Variants in FCN2 observed in about 807,000 individuals in gnomAD.
FCN2 encodes the protein ficolin-2.
FCN2 carries 31 observed loss-of-function variants against 32.5 expected under a neutral mutation model. The observed-to-expected ratio is 0.96, with a 90% confidence interval of 0.72 to 1.29. The LOEUF (loss-of-function observed/expected upper bound fraction) is 1.29. Ranked by LOEUF, FCN2 falls within the 50% of genes most tolerant of loss-of-function variation. FCN2 has a pLI of 0.00. For synonymous variants in FCN2, 181 were observed against 164.5 expected, an observed-to-expected ratio of 1.10 and a Z score of -0.77; for missense variants, 412 against 406.5, an observed-to-expected ratio of 1.01 and a Z score of -0.12.
the FCN2 span, among the ~76,000 whole-genome samples, chr9:134,872,723 G>A: frequency 1.3e-5 from 2 of 152,062 alleles, no homozygotes; most frequent in African/African-American, 4.8e-5. Context: ...GAGAAGACCC[G>A]CCCTCGTGAT....
Position 134,884,785 on chromosome 9 carries a change from C to T in FCN2, c.301+13C>T, listed in dbSNP as rs372531107. The T allele has an allele frequency of 6.2e-7, 1 of 1,613,384 alleles. No homozygotes were observed. Among genetic ancestry groups the T allele is most frequent in the South Asian group, 1.1e-5 (1 of 90,996 alleles). On this transcript the variant is annotated intron_variant, in intron 4 of 7. Transcript: ENST00000291744. ...CCGTGCCTGACAGGTGACTGACCAC[C>T]CCCACACTCCTCCCACGGCTTGTGG...
At position 134,886,521 on chromosome 9, in the gene FCN2, G is replaced by T; in HGVS notation, c.651G>T (p.Glu217Asp). 1 of 1,614,194 alleles carries T rather than the reference G, an allele frequency of 6.2e-7. No individual in the cohort carries two copies. The highest frequency in any genetic ancestry group is 8.5e-7 in the Non-Finnish European group (1 of 1,180,030). The change falls in exon 7 of 8, where the codon GAG becomes GAT. Residue 217 changes from glutamate to aspartate, a missense_variant. Physicochemically the swap from Glu to Asp is conservative, Grantham distance 45. Transcript: ENST00000291744. Reference sequence around the variant, plus strand: ...CATTCAAGGTGGCCGACGAGGCGGAGAAGTACAATCTGGTCCTGGGGGCCT... The same window carrying T: ...CATTCAAGGTGGCCGACGAGGCGGATAAGTACAATCTGGTCCTGGGGGCCT... ...YRSFKVADEA[E>D]KYNLVLGAFV...
upstream of FCN2, among the ~76,000 whole-genome samples, chr9:134,879,946 A>T (rs1051106249): frequency 6.6e-6 from 1 of 152,072 alleles, no homozygotes; most frequent in Non-Finnish European, 1.5e-5. Context: ...CTCTGTCTCT[A>T]ACCTGGCTCA....
At chr9:134,872,474 A>C in the FCN2 span, among the ~76,000 whole-genome samples, 1 of 152,192 alleles carries the variant, frequency 6.6e-6, no homozygotes, top group Non-Finnish European at 1.5e-5. Flanking sequence ...ATTGTACGAT[A>C]GGTGTATTAG....
At chr9:134,877,196 C>T (rs1423909047), upstream of FCN2, among the ~76,000 whole-genome samples, 1 of 152,152 alleles carries the variant, frequency 6.6e-6, no homozygotes, top group African/African-American at 2.4e-5. Context: ...TTAATTTACT[C>T]TTGTTTTTCT....
chr9:134,867,663 T>TA, the FCN2 span, among the ~76,000 whole-genome samples: 23,805 of 140,126 alleles, frequency 0.17, 2,215 homozygotes, highest in African/African-American at 0.27. Context: ...GGGGATACTT[T>TA]AAAAAAAAAA....
the FCN2 span, among the ~76,000 whole-genome samples, chr9:134,867,706 A>C: frequency 1.3e-5 from 2 of 149,506 alleles, no homozygotes; most frequent in Non-Finnish European, 3.0e-5. Flanking sequence ...GTTTGGCTGC[A>C]GCTGTGCCAC....
In FCN2 at chr9:134,880,888, G is replaced by A; in HGVS notation, c.67G>A (p.Ala23Thr). 1 of 1,613,548 alleles carries A rather than the reference G, an allele frequency of 6.2e-7. No individual in the cohort carries two copies. Among genetic ancestry groups the A allele is most frequent in the Non-Finnish European group, 8.5e-7 (1 of 1,179,914 alleles). The change falls in exon 1 of 8, where the codon GCC (alanine) becomes ACC (threonine). Residue 23 changes from alanine (A) to threonine (T), a missense_variant. Ala to Thr is a moderately conservative substitution (Grantham distance 58, BLOSUM62 0). Transcript: ENST00000291744. ...ATLLLSFLGM[A>T]WALQAADTCP... is the part of the protein sequence containing the mutation. ...CCTGCTGCTCTCTTTCCTGGGCATG[G>A]CCTGGGCTCTCCAGGCGGCAGACAC...
chr9:134,876,575 A>AGTTTT (rs1343478218), upstream of FCN2, among the ~76,000 whole-genome samples: 3 of 152,080 alleles, frequency 2.0e-5, no homozygotes, highest in East Asian at 1.9e-4. Context: ...TTATATGTAT[A>AGTTTT]GTTTTGTTTT....
the FCN2 span, among the ~76,000 whole-genome samples, chr9:134,867,569 A>G: frequency 1.7e-4 from 26 of 151,170 alleles, no homozygotes; most frequent in Admixed American, 1.3e-3. Flanking sequence ...GCAGCACACC[A>G]GCATGGCACA....
intron 2 of FCN2, among the ~76,000 whole-genome samples, chr9:134,882,897 C>T (rs1358814328): frequency 4.6e-5 from 7 of 151,752 alleles, no homozygotes; most frequent in Admixed American, 3.9e-4. Flanking sequence ...CAGCTTTGCT[C>T]GGCCGCTGGC....
chr9:134,864,997 T>G, the FCN2 span, among the ~76,000 whole-genome samples: 1 of 152,124 alleles, frequency 6.6e-6, no homozygotes, highest in Non-Finnish European at 1.5e-5. Flanking sequence ...ACCAGCTGTG[T>G]GAGGAGGCAG....
upstream of FCN2, among the ~76,000 whole-genome samples, chr9:134,879,966 G>A (rs1830640970): frequency 6.6e-6 from 1 of 152,098 alleles, no homozygotes; most frequent in Non-Finnish European, 1.5e-5. Flanking sequence ...AGTCCAAGGC[G>A]AGAGTGCACC....
chr9:134,887,183 T>C lies in FCN2; in HGVS notation c.710T>C (p.Phe237Ser). 2 of 1,614,114 alleles carry C rather than the reference T, an allele frequency of 1.2e-6. No homozygotes were observed. The highest frequency in any genetic ancestry group is 8.5e-7 in the Non-Finnish European group (1 of 1,179,988). ...TCCTGCACAGGAGATTCCCTGACGT[T>C]CCACAACAACCAGTCCTTCTCCACC... ...VEGSAGDSLT[F>S]HNNQSFSTKD... The change falls in exon 8 of 8, where the codon TTC (phenylalanine) becomes TCC (serine). Residue 237 changes from phenylalanine (F) to serine (S), a missense_variant. Transcript: ENST00000291744.
intron 1 of FCN2, among the ~76,000 whole-genome samples, chr9:134,881,631 T>C (rs1407000415): frequency 6.6e-6 from 1 of 152,128 alleles, no homozygotes; most frequent in African/African-American, 2.4e-5. Flanking sequence ...CAGAGATTCG[T>C]GTCAGGATTT....
At position 134,887,443 on chromosome 9, in the gene FCN2, C is replaced by A; in HGVS notation, c.*28C>A. ...CAGGCCGGCCTCAGGGTCAGGACGC[C>A]TCCACACATAGTTGGTTGGGGGGTA... On this transcript the variant is annotated 3_prime_UTR_variant, in exon 8 of 8. Coordinates refer to ENST00000291744, the MANE Select transcript of FCN2 (RefSeq NM_004108.3). The A allele has an allele frequency of 6.2e-7, 1 of 1,611,496 alleles. No homozygotes were observed. Among genetic ancestry groups the A allele is most frequent in the Non-Finnish European group, 8.5e-7 (1 of 1,178,002 alleles).
At chr9:134,884,872 G>T in intron 4 of FCN2, 100 bp downstream of exon 4, 2 of 1,095,940 alleles carry the variant, frequency 1.8e-6, no homozygotes, top group South Asian at 1.3e-5. Context: ...TGACAAATAT[G>T]AACAGAAGAA....
At chr9:134,885,948 C>T (rs965008939) in intron 6 of FCN2, 51 bp downstream of exon 6, 10 of 1,563,804 alleles carry the variant, frequency 6.4e-6, no homozygotes, top group Admixed American at 3.5e-5. Flanking sequence ...TGGGGGTGCC[C>T]CTGCCTCTTG....
At position 134,885,860 on chromosome 9, in the gene FCN2, G is replaced by T. The variant is rs2133007624; in HGVS notation, c.522G>T (p.Trp174Cys). 6 of 1,613,808 alleles carry T rather than the reference G, an allele frequency of 3.7e-6. No individual in the cohort carries two copies. Among genetic ancestry groups the T allele is most frequent in the Non-Finnish European group, 5.1e-6 (6 of 1,179,898 alleles). ...QGFGSRLGEF[W>C]LGNDNIHALT... ...TCGGCAGTCGGCTGGGGGAGTTCTG[G>T]CTGGGGAATGACAACATCCACGCCC... Residue 174 changes from tryptophan to cysteine, a missense_variant, in exon 6 of 8, where the codon TGG becomes TGT. Physicochemically the swap from Trp to Cys is radical, Grantham distance 215. Coordinates refer to ENST00000291744, the MANE Select transcript of FCN2 (RefSeq NM_004108.3).
Sources: gnomAD v4.1 joint callset for allele counts (sites outside exome capture counted in the v4.1 genomes callset) on GRCh38, gnomAD v4.1.1 for gene constraint, MANE v1.5 for transcripts, NCBI Gene and HGNC (gene_info 2026-07-23, HGNC 2026-07-21) for gene names.